ADK: variants seen among roughly 807,000 people sequenced by gnomAD.
The protein encoded by ADK is adenosine kinase, also known as N6,N6-dimethyladenosine kinase.
Under a neutral mutation model 44.7 loss-of-function variants are expected in ADK, and 24 were observed. The observed-to-expected ratio is 0.54, with a 90% CI of 0.39 to 0.76. The LOEUF is 0.76. Among genes scored for constraint, ADK ranks in the 30% least tolerant of loss-of-function variants. ADK has a pLI of 0.00. For missense variants in ADK, 321 were observed against 425.1 expected (o/e 0.76, Z 2.15); for synonymous variants, 128 against 142.6 (o/e 0.90, Z 0.73).
chr10:74,401,259 C>A (rs944668858), intron 6 of ADK, among the ~76,000 whole-genome samples: 20 of 152,224 alleles, frequency 1.3e-4, no homozygotes, highest in African/African-American at 4.8e-4. Flanking sequence ...TATTTCCTGG[C>A]ATAGTGGTTT....
chr10:74,236,666 C>G (rs1372255397), intron 3 of ADK, among the ~76,000 whole-genome samples: 1 of 152,050 alleles, frequency 6.6e-6, no homozygotes, highest in African/African-American at 2.4e-5. Flanking sequence ...ACAGGCACAC[C>G]TTGGAGATAT....
intron 8 of ADK, among the ~76,000 whole-genome samples, chr10:74,595,120 G>T (rs1476852383): frequency 1.4e-5 from 2 of 141,068 alleles, no homozygotes; most frequent in Non-Finnish European, 3.0e-5. Flanking sequence ...AGGTTGCAGT[G>T]AGCTGAAATT....
intron 9 of ADK, among the ~76,000 whole-genome samples, chr10:74,641,062 T>G (rs1156619135): frequency 6.6e-6 from 1 of 152,202 alleles, no homozygotes; most frequent in Middle Eastern, 3.2e-3. Context: ...AAGAAAATGG[T>G]GTCTGCAACA....
chr10:74,642,494 T>G (rs1261449510), intron 9 of ADK, among the ~76,000 whole-genome samples: 3 of 151,898 alleles, frequency 2.0e-5, no homozygotes, highest in Non-Finnish European at 4.4e-5. Flanking sequence ...TATGAGCCAG[T>G]GCACCTGACC....
chr10:74,484,629 A>C (rs1564748194), intron 6 of ADK, among the ~76,000 whole-genome samples: 1 of 152,200 alleles, frequency 6.6e-6, no homozygotes, highest in East Asian at 1.9e-4. Context: ...AAACGGCAAG[A>C]ATATTCAAAC....
At chr10:74,343,080 A>C (rs1465539721) in intron 4 of ADK, among the ~76,000 whole-genome samples, 1 of 152,116 alleles carries the variant, frequency 6.6e-6, no homozygotes, top group Non-Finnish European at 1.5e-5. Flanking sequence ...GAAAATATCT[A>C]ATCATTCACC....
chr10:74,224,232 T>G (rs1844436845), intron 2 of ADK, among the ~76,000 whole-genome samples: 1 of 152,214 alleles, frequency 6.6e-6, no homozygotes, highest in Non-Finnish European at 1.5e-5. Context: ...CCAAAATACT[T>G]AACGTTGTAG....
intron 1 of ADK, among the ~76,000 whole-genome samples, chr10:74,171,810 CTGTGTG>C (rs144943440): frequency 0.12 from 16,971 of 144,042 alleles, 937 homozygotes; most frequent in Middle Eastern, 0.18. Context: ...CTCTGTCTCT[CTGTGTG>C]TGTGTGTGTG....
At position 74,521,457 on chromosome 10, in the gene ADK, A is replaced by C. The variant is rs542521037; in HGVS notation, c.556-3799A>C. 9.5e-4 allele frequency among the ~76,000 whole-genome samples: 145 copies of C among 152,310 alleles called. 1 individual carries two copies. Among genetic ancestry groups the C allele is most frequent in the South Asian group, 4.6e-3 (22 of 4,824 alleles). On this transcript the variant is annotated intron_variant, in intron 6 of 10. Coordinates refer to ENST00000539909, the MANE Select transcript of ADK (RefSeq NM_006721.4). ...GTGTTCTGTACCTTAAATTACAATC[A>C]GATGTATTTTAGCACAGATCAAATT...
At chr10:74,179,451 A>G (rs1842459020) in intron 1 of ADK, among the ~76,000 whole-genome samples, 1 of 152,154 alleles carries the variant, frequency 6.6e-6, no homozygotes, top group Non-Finnish European at 1.5e-5. Flanking sequence ...AAGACCCTAC[A>G]ACAGGATGCA....
Position 74,267,806 on chromosome 10 carries a change from T to C in ADK, c.194+43215T>C, listed in dbSNP as rs566459223. 7.1e-3 allele frequency among the ~76,000 whole-genome samples: 620 copies of C among 86,830 alleles called. 4 individuals carry two copies. The highest frequency in any genetic ancestry group is 0.021 in the African/African-American group (575 of 26,824). 57.0% of individuals were successfully genotyped at this position (86,830 alleles called of 152,430 possible). On this transcript the variant is annotated intron_variant, in intron 3 of 10. Coordinates refer to ENST00000539909, the MANE Select transcript of ADK (RefSeq NM_006721.4). ...TGTGTGTGTGTGTCTGTCTGTCTGTTTTAGTGGCTCTAAAAACAGGTGTAG... is the reference window on the plus strand; with the variant it reads ...TGTGTGTGTGTGTCTGTCTGTCTGTCTTAGTGGCTCTAAAAACAGGTGTAG...
At chr10:74,247,710 G>C (rs138249286) in intron 3 of ADK, among the ~76,000 whole-genome samples, 1 of 152,078 alleles carries the variant, frequency 6.6e-6, no homozygotes, top group Non-Finnish European at 1.5e-5. Flanking sequence ...CTCAAAAAAT[G>C]TCTAGAAAAA....
chr10:74,538,237 G>C (rs962376199), intron 7 of ADK, among the ~76,000 whole-genome samples: 70 of 150,230 alleles, frequency 4.7e-4, no homozygotes, highest in Non-Finnish European at 8.4e-4. Context: ...CCTGGCAACA[G>C]AGCGAGACTC....
At chr10:74,160,180 G>A (rs1471074542) in intron 1 of ADK, among the ~76,000 whole-genome samples, 1 of 152,226 alleles carries the variant, frequency 6.6e-6, no homozygotes, top group Non-Finnish European at 1.5e-5. Flanking sequence ...CAGGGACAGA[G>A]TGGAATCAGC....
At chr10:74,472,297 G>A (rs942316086) in intron 6 of ADK, among the ~76,000 whole-genome samples, 2 of 152,092 alleles carry the variant, frequency 1.3e-5, no homozygotes, top group African/African-American at 2.4e-5. Context: ...ATTACCCATC[G>A]GCTTTTCATA....
chr10:74,687,707 G>A (rs1009075405), intron 10 of ADK, among the ~76,000 whole-genome samples: 5 of 152,080 alleles, frequency 3.3e-5, no homozygotes, highest in Admixed American at 1.3e-4. Flanking sequence ...AAACCTAGAC[G>A]CCCTTCCTGA....
At chr10:74,319,024 A>G (rs1840724494) in intron 4 of ADK, among the ~76,000 whole-genome samples, 1 of 152,210 alleles carries the variant, frequency 6.6e-6, no homozygotes, top group African/African-American at 2.4e-5. Context: ...CACACATACA[A>G]GAAGGATTGA....
intron 6 of ADK, among the ~76,000 whole-genome samples, chr10:74,480,229 T>TCTTTCTTTCTTTCTTTCTTTC (rs1554865900): frequency 2.8e-5 from 4 of 142,666 alleles, no homozygotes; most frequent in African/African-American, 1.0e-4. Context: ...TTTCTTTCTT[T>TCTTTCTTTCTTTCTTTCTTTC]TTTTTTTTTT....
At chr10:74,575,639 T>C (rs996966682) in intron 7 of ADK, among the ~76,000 whole-genome samples, 2 of 152,114 alleles carry the variant, frequency 1.3e-5, no homozygotes, top group African/African-American at 4.8e-5. Flanking sequence ...CTGGTACGTA[T>C]ATAAGGGAAT....
Sources: gnomAD v4.1 joint callset for allele counts (sites outside exome capture counted in the v4.1 genomes callset) on GRCh38, gnomAD v4.1.1 for gene constraint, MANE v1.5 for transcripts, NCBI Gene and HGNC (gene_info 2026-07-23, HGNC 2026-07-21) for gene names.